OTOG: variants seen among roughly 807,000 people sequenced by gnomAD.
OTOG encodes the protein otogelin.
A neutral mutation model predicts 313.8 loss-of-function variants in OTOG; 296 were observed. The ratio of observed to expected loss-of-function variants is 0.94; its 90% CI spans 0.86 to 1.04. OTOG has a LOEUF of 1.04. OTOG is among the 50% of genes least tolerant of loss of function. OTOG has a pLI of 0.00. For missense variants in OTOG, 3,948 were observed against 3,840.1 expected (o/e 1.03, Z -0.74); for synonymous variants, 1,533 against 1,554.9 (o/e 0.99, Z 0.33).
At chr11:17,570,919 G>C (rs975421425) in intron 17 of OTOG, among the ~76,000 whole-genome samples, 2 of 152,056 alleles carry the variant, frequency 1.3e-5, no homozygotes, top group African/African-American at 2.4e-5. Context: ...GTACTTGAAG[G>C]CTCTTGAGTT....
At chr11:17,630,480 G>A (rs1052649108) in intron 40 of OTOG, among the ~76,000 whole-genome samples, 1 of 152,178 alleles carries the variant, frequency 6.6e-6, no homozygotes, top group African/African-American at 2.4e-5. Context: ...CTTTAATCAT[G>A]CTTTATATTC....
In OTOG at chr11:17,640,959, C is replaced by A. The variant is rs1022166033; in HGVS notation, c.8058C>A (p.Pro2686=). The change falls in exon 51 of 56, where the codon CCC becomes CCA. Residue 2686 remains proline (P), a synonymous_variant. Transcript: ENST00000399397. ...GCCGCGAGCTGGGTGTGATGCAGCCCGGCCAGACAGTGGTGGAGCTCTCAG... is the reference window on the plus strand; with the variant it reads ...GCCGCGAGCTGGGTGTGATGCAGCCAGGCCAGACAGTGGTGGAGCTCTCAG... ...CLSRELGVMQ[P]GQTVVELSAD... 6.5e-7 allele frequency: 1 copy of A among 1,548,272 alleles called. No individual in the cohort carries two copies.
At chr11:17,605,394 C>T (rs992027413) in intron 32 of OTOG, among the ~76,000 whole-genome samples, 5 of 152,184 alleles carry the variant, frequency 3.3e-5, no homozygotes, top group Non-Finnish European at 5.9e-5. Context: ...CAGGACCAAG[C>T]TGGGGACCCT....
intron 38 of OTOG, among the ~76,000 whole-genome samples, chr11:17,613,195 T>TTTTCTTTCTTTCTTTCTTTCATTC (rs1853616767): frequency 4.6e-5 from 3 of 65,328 alleles, no homozygotes; most frequent in South Asian, 1.1e-3. Flanking sequence ...TCTTTCTTTC[T>TTTTCTTTCTTTCTTTCTTTCATTC]TTTCTTTCTT....
Position 17,553,101 on chromosome 11 carries a change from T to A in OTOG, c.293-18T>A, listed in dbSNP as rs940070842. 3.9e-6 allele frequency: 6 copies of A among 1,549,830 alleles called. No homozygotes were observed. In the African/African-American group the frequency reaches 8.2e-5, roughly 21 times the overall value. On this transcript the variant is annotated intron_variant, in intron 4 of 55. Coordinates refer to ENST00000399397, the MANE Select transcript of OTOG (RefSeq NM_001292063.2). The stretch of plus-strand genomic sequence containing the variant: ...AATCTCAGCTTGATGGGGCAATGAC[T>A]CTGTGTCTCCCATGCAGACTTGTTC...
chr11:17,630,397 C>T (rs1450676795), intron 40 of OTOG, among the ~76,000 whole-genome samples: 4 of 152,220 alleles, frequency 2.6e-5, no homozygotes, highest in East Asian at 1.9e-4. Context: ...TTTGGGACAC[C>T]CCTCACTGAC....
chr11:17,591,609 G>A (rs926991740), intron 25 of OTOG, 21 bp downstream of exon 25: 2 of 1,549,830 alleles, frequency 1.3e-6, no homozygotes, highest in African/African-American at 2.7e-5. Flanking sequence ...GGATGTTTCT[G>A]CCCAGTTGGC....
rs1565132947 is a variant in OTOG at position 17,644,278 on chromosome 11, G to T, written c.8461+772G>T. ...CTTAGTCCAGGGCCCAGAGGGCCAT[G>T]TCAGGACAGCCCTTAGTTCTCCTGC... On this transcript the variant is annotated intron_variant, in intron 54 of 55. Transcript: ENST00000399397. Among the ~76,000 whole-genome samples the T allele has an allele frequency of 2.6e-5, 4 of 152,394 alleles. No individual in the cohort carries two copies. In the East Asian group the frequency reaches 7.7e-4, roughly 29 times the overall value.
At chr11:17,585,987 G>A (rs1852785415) in intron 23 of OTOG, among the ~76,000 whole-genome samples, 1 of 152,202 alleles carries the variant, frequency 6.6e-6, no homozygotes, top group African/African-American at 2.4e-5. Context: ...GCTATGGCCT[G>A]AGATCTTTAA....
chr11:17,560,667 A>G (rs1367613224), intron 12 of OTOG, 42 bp from the exon 13 acceptor site: 1 of 1,442,976 alleles, frequency 6.9e-7, no homozygotes, highest in Non-Finnish European at 9.5e-7. Context: ...GTTTGTGAAC[A>G]GGGGCAAAGG....
In OTOG at chr11:17,612,684, C is replaced by G. The variant is rs1853591905; in HGVS notation, c.6357C>G (p.Phe2119Leu). Residue 2119 changes from phenylalanine to leucine, a missense_variant, in exon 38 of 56, where the codon TTC (phenylalanine) becomes TTG (leucine). Coordinates refer to ENST00000399397, the MANE Select transcript of OTOG (RefSeq NM_001292063.2). ...VTFDGSHVAL[F>L]KEAIYILSQS... ...TCGATGGGAGCCACGTAGCTCTGTT[C>G]AAGGAGGCCATCTACATCCTCAGCC... 3 of 1,550,514 alleles carry G rather than the reference C, an allele frequency of 1.9e-6. No individual in the cohort carries two copies. Among genetic ancestry groups the G allele is most frequent in the East Asian group, 2.4e-5 (1 of 40,934 alleles).
At chr11:17,645,537 A>G (rs1308624415) in intron 54 of OTOG, 27 bp from the exon 55 acceptor site, 1 of 1,548,312 alleles carries the variant, frequency 6.5e-7, no homozygotes, top group Non-Finnish European at 8.7e-7. Flanking sequence ...TCTTGGCCAC[A>G]GCTGCCTCAT....
At position 17,561,826 on chromosome 11, in the gene OTOG, C is replaced by T. The variant is rs1166790454; in HGVS notation, c.1644+19C>T. 6.5e-7 allele frequency: 1 copy of T among 1,549,816 alleles called. No homozygotes were observed. Among genetic ancestry groups the T allele is most frequent in the Non-Finnish European group, 8.7e-7 (1 of 1,146,788 alleles). On this transcript the variant is annotated intron_variant, in intron 15 of 55. Coordinates refer to ENST00000399397, the MANE Select transcript of OTOG (RefSeq NM_001292063.2). ...TGGCCTGGTAAGAGCTGGGGATCCC[C>T]AGGCCCGATCCACCCAGCTACTCCT...
intron 17 of OTOG, 27 bp from the exon 18 acceptor site, chr11:17,572,053 G>T: frequency 6.5e-7 from 1 of 1,550,266 alleles, no homozygotes. Context: ...GGGCAAGTGT[G>T]TGAATATGGC....
intron 12 of OTOG, among the ~76,000 whole-genome samples, chr11:17,560,158 T>G (rs1481089968): frequency 6.6e-6 from 1 of 152,192 alleles, no homozygotes; most frequent in Non-Finnish European, 1.5e-5. Context: ...GGGGACTGGT[T>G]TTCAGTGTAT....
intron 53 of OTOG, among the ~76,000 whole-genome samples, chr11:17,642,518 A>AGGTCACCAGTCACTCAC (rs1847997721): frequency 6.6e-6 from 1 of 152,238 alleles, no homozygotes; most frequent in Non-Finnish European, 1.5e-5. Context: ...ACACCAACAC[A>AGGTCACCAGTCACTCAC]GGTCACCAGT....
chr11:17,548,102 G>A (rs1851848998), intron 2 of OTOG, 50 bp from the exon 3 acceptor site: 3 of 1,523,538 alleles, frequency 2.0e-6, no homozygotes, highest in African/African-American at 2.8e-5. Context: ...CTGCGGGGAG[G>A]CATAACCCAT....
chr11:17,554,764 T>C (rs1196751705), intron 6 of OTOG, among the ~76,000 whole-genome samples: 1 of 152,232 alleles, frequency 6.6e-6, no homozygotes, highest in African/African-American at 2.4e-5. Context: ...TATCATTTCA[T>C]GATGGATATG....
At chr11:17,625,979 A>G (rs1455369375) in intron 39 of OTOG, among the ~76,000 whole-genome samples, 6 of 152,192 alleles carry the variant, frequency 3.9e-5, no homozygotes, top group Admixed American at 6.5e-5. Context: ...ATTCTCATAT[A>G]TGGTGAGAGA....
Sources: gnomAD v4.1 joint callset for allele counts (sites outside exome capture counted in the v4.1 genomes callset) on GRCh38, gnomAD v4.1.1 for gene constraint, MANE v1.5 for transcripts, NCBI Gene and HGNC (gene_info 2026-07-23, HGNC 2026-07-21) for gene names.